Variants in STK31 observed in about 807,000 individuals in gnomAD.
The protein encoded by STK31 is serine/threonine-protein kinase 31.
Under a neutral mutation model 129.7 loss-of-function variants are expected in STK31, and 89 were observed. The ratio of observed to expected loss-of-function variants is 0.69; its 90% CI spans 0.58 to 0.82. The LOEUF is 0.82. STK31 is among the 40% of genes least tolerant of loss of function. STK31 has a pLI of 0.00. For synonymous variants in STK31, 448 were observed against 395.3 expected, an observed-to-expected ratio of 1.13 and a Z score of -1.58; for missense variants, 1,187 against 1,176.4, an observed-to-expected ratio of 1.01 and a Z score of -0.13.
At chr7:23,778,371 G>A (rs1467192933) in intron 15 of STK31, among the ~76,000 whole-genome samples, 1 of 152,088 alleles carries the variant, frequency 6.6e-6, no homozygotes, top group Non-Finnish European at 1.5e-5. Flanking sequence ...TCCTGAATTT[G>A]AATGTTGACC....
At chr7:23,715,858 A>G (rs114412494) in intron 3 of STK31, among the ~76,000 whole-genome samples, 135 of 152,146 alleles carry the variant, frequency 8.9e-4, no homozygotes, top group African/African-American at 3.0e-3. Flanking sequence ...TTTAGAACAT[A>G]TATATATATT....
At chr7:23,791,410 G>A (rs529824330) in intron 22 of STK31, 17 of 524,530 alleles carry the variant, frequency 3.2e-5, no homozygotes, top group East Asian at 3.0e-4. Context: ...CTTATAAGTG[G>A]GAGCTAAACA....
chr7:23,755,961 A>T (rs1789052338), intron 10 of STK31, among the ~76,000 whole-genome samples: 6 of 152,120 alleles, frequency 3.9e-5, no homozygotes, highest in Admixed American at 3.3e-4. Flanking sequence ...TTTGCTTAGG[A>T]TTATCTTGGC....
Position 23,710,334 on chromosome 7 carries a change from A to G in STK31, c.49A>G (p.Ser17Gly). 2 of 1,613,422 alleles carry G rather than the reference A, an allele frequency of 1.2e-6. No individual in the cohort carries two copies. The highest frequency in any genetic ancestry group is 1.7e-6 in the Non-Finnish European group (2 of 1,179,916). The change falls in exon 1 of 24, where the codon AGT (serine) becomes GGT (glycine). Residue 17 changes from serine to glycine, a missense_variant and splice_region_variant. This residue lies in a region of STK31 where 104 missense variants were observed against 98.3 expected (regional missense o/e 1.06). Coordinates refer to ENST00000355870, the MANE Select transcript of STK31 (RefSeq NM_031414.5). Reference sequence around the variant, plus strand: ...TAGAGCTTCCGCAACGGAAAGTGTGAGGTCAGTAGTAGTTTTTGTGGTACG... The same window carrying G: ...TAGAGCTTCCGCAACGGAAAGTGTGGGGTCAGTAGTAGTTTTTGTGGTACG... The part of the protein sequence containing the change: ...SSRASATESV[S>G]FSGIVQMDED...
chr7:23,809,654 A>C (rs1283272948), intron 22 of STK31, among the ~76,000 whole-genome samples: 1 of 152,174 alleles, frequency 6.6e-6, no homozygotes, highest in Non-Finnish European at 1.5e-5. Flanking sequence ...TGGTTGAAAA[A>C]AATCTGCATG....
At chr7:23,736,876 G>T (rs1395770583) in intron 7 of STK31, 28 bp from the exon 8 acceptor site, 1 of 1,572,060 alleles carries the variant, frequency 6.4e-7, no homozygotes, top group South Asian at 1.2e-5. Context: ...CAGTTTGTTT[G>T]TCAAAATAAA....
At chr7:23,800,397 A>G (rs920514291) in intron 22 of STK31, among the ~76,000 whole-genome samples, 2 of 152,328 alleles carry the variant, frequency 1.3e-5, no homozygotes, top group Non-Finnish European at 2.9e-5. Context: ...AATACTGTGC[A>G]CCCTTAAAAA....
intron 11 of STK31, among the ~76,000 whole-genome samples, chr7:23,765,965 G>A (rs1316207575): frequency 6.6e-6 from 1 of 152,094 alleles, no homozygotes; most frequent in Non-Finnish European, 1.5e-5. Context: ...TTAGTCACGG[G>A]TTATTATAGA....
chr7:23,721,323 TATGTC>T (rs1786674330), intron 4 of STK31: 1 of 683,938 alleles, frequency 1.5e-6, no homozygotes, highest in South Asian at 1.8e-5. Flanking sequence ...GTCTCTAAAA[TATGTC>T]AAGTAAGCTT....
intron 23 of STK31, among the ~76,000 whole-genome samples, chr7:23,819,019 A>G (rs1328043950): frequency 6.6e-6 from 1 of 152,178 alleles, no homozygotes; most frequent in East Asian, 1.9e-4. Flanking sequence ...AAGGAAAAAA[A>G]TTATATTTTT....
In STK31 at chr7:23,754,470, ATG is replaced by A; in HGVS notation, c.1292_1293del (p.Val431GlufsTer2). The A allele has an allele frequency of 6.2e-7, 1 of 1,608,450 alleles. No individual in the cohort carries two copies. Among genetic ancestry groups the A allele is most frequent in the Non-Finnish European group, 8.5e-7 (1 of 1,178,662 alleles). ...CAGGAGAATATTAAAACTTGTGAAT[ATG>A]TGGTGAGTTGGGAATTTTTCTCTAT... On this transcript the variant is annotated frameshift_variant and splice_region_variant, in exon 10 of 24. Transcript: ENST00000355870. LOFTEE classifies it high-confidence loss of function.
At chr7:23,743,250 A>T (rs943081515) in intron 8 of STK31, among the ~76,000 whole-genome samples, 1 of 152,086 alleles carries the variant, frequency 6.6e-6, no homozygotes, top group Admixed American at 6.5e-5. Context: ...CACTGCGTCC[A>T]GCTGGGTTTT....
chr7:23,802,273 T>A (rs1357613001), intron 22 of STK31, among the ~76,000 whole-genome samples: 1 of 152,180 alleles, frequency 6.6e-6, no homozygotes, highest in Non-Finnish European at 1.5e-5. Context: ...ACATATCACC[T>A]TGTGACATTT....
chr7:23,784,976 T>G (rs895551078), intron 17 of STK31, among the ~76,000 whole-genome samples: 2 of 152,198 alleles, frequency 1.3e-5, no homozygotes, highest in Admixed American at 6.5e-5. Context: ...TATTTATTTT[T>G]TGTTTTTTTA....
chr7:23,771,304 A>G, intron 14 of STK31, 180 bp downstream of exon 14: 1 of 485,890 alleles, frequency 2.1e-6, no homozygotes, highest in Non-Finnish European at 3.2e-6. Context: ...ATTGTTTTAA[A>G]TATTTTATTA....
intron 11 of STK31, among the ~76,000 whole-genome samples, chr7:23,763,683 T>C (rs1202005041): frequency 6.6e-6 from 1 of 152,184 alleles, no homozygotes; most frequent in Non-Finnish European, 1.5e-5. Context: ...CTGATAACTC[T>C]GCTGATCTCT....
chr7:23,828,621 TC>T (rs1273998477), intron 23 of STK31, among the ~76,000 whole-genome samples: 1 of 152,202 alleles, frequency 6.6e-6, no homozygotes, highest in Non-Finnish European at 1.5e-5. Context: ...TGTCCGGCAC[TC>T]CCCAGTGAGA....
At chr7:23,790,782 A>T (rs1191765865) in intron 21 of STK31, 42 bp from the exon 22 acceptor site, 4 of 1,527,050 alleles carry the variant, frequency 2.6e-6, no homozygotes, top group Non-Finnish European at 3.5e-6. Flanking sequence ...AAGTCACCTC[A>T]ACTGTGTTGT....
At chr7:23,799,156 GGGCC>G (rs1792206829) in intron 22 of STK31, among the ~76,000 whole-genome samples, 2 of 152,080 alleles carry the variant, frequency 1.3e-5, no homozygotes, top group African/African-American at 2.4e-5. Flanking sequence ...ATCATGAAAA[GGGCC>G]ATACTACTCA....
Sources: allele counts gnomAD v4.1 joint callset (sites outside exome capture counted in the v4.1 genomes callset), GRCh38; gene constraint gnomAD v4.1.1; regional missense constraint gnomAD v4.1.1; transcripts MANE v1.5; gene names NCBI Gene and HGNC (gene_info 2026-07-23, HGNC 2026-07-21).